LIMCH1: variants seen among roughly 807,000 people sequenced by gnomAD.
LIMCH1 encodes LIM and calponin homology domains-containing protein 1.
In LIMCH1, 113 loss-of-function variants were observed where a neutral mutation model predicts 176.5. That is an observed-to-expected ratio of 0.64 (90% CI 0.55 to 0.75). LIMCH1 has a LOEUF of 0.75. Ranked by LOEUF, LIMCH1 falls within the 30% of genes least tolerant of loss-of-function variation. The pLI, the probability that LIMCH1 is intolerant of heterozygous loss-of-function variation, is 0.00. For missense variants in LIMCH1, 1,674 were observed against 1,814.9 expected, an observed-to-expected ratio of 0.92 and a Z score of 1.41; for synonymous variants, 619 against 645.9, an observed-to-expected ratio of 0.96 and a Z score of 0.63.
intron 4 of LIMCH1, chr4:41,612,974 G>A (rs1490870323): frequency 1.3e-6 from 2 of 1,547,040 alleles, no homozygotes; most frequent in Non-Finnish European, 1.7e-6. Flanking sequence ...AACTGATTCT[G>A]CAGCAAAGAC....
At chr4:41,363,723 T>C (rs2052524834) in intron 1 of LIMCH1, among the ~76,000 whole-genome samples, 1 of 152,096 alleles carries the variant, frequency 6.6e-6, no homozygotes, top group African/African-American at 2.4e-5. Context: ...TTCCCCTCAC[T>C]CCTTCCTTAG....
chr4:41,581,390 T>C (rs2085405234), intron 1 of LIMCH1, among the ~76,000 whole-genome samples: 1 of 152,182 alleles, frequency 6.6e-6, no homozygotes, highest in African/African-American at 2.4e-5. Context: ...CTGCACGTTA[T>C]GTCCTCAGAA....
In LIMCH1 at chr4:41,627,017, ATGG is replaced by A. The variant is rs144241913; in HGVS notation, c.1028+10_1028+12del. ...GAAGTCTAGAATATAAAAGGTGTGC[ATGG>A]TGTGTGTGTGTGTGTGTGTGTGTGT... is the stretch of plus-strand genomic sequence containing the variant. On this transcript the variant is annotated splice_region_variant and intron_variant, in intron 8 of 31. Transcript: ENST00000503057. 2.0e-3 allele frequency: 2,680 copies of A among 1,314,362 alleles called. 30 individuals carry two copies. The African/African-American group carries it at 0.043, about 21-fold the overall frequency. 81.4% of individuals were successfully genotyped at this position (1,314,362 alleles called of 1,614,324 possible).
intron 13 of LIMCH1, among the ~76,000 whole-genome samples, chr4:41,636,666 C>G (rs2093607113): frequency 6.6e-6 from 1 of 152,142 alleles, no homozygotes; most frequent in Non-Finnish European, 1.5e-5. Context: ...AGAAAAATCT[C>G]TGCTTCTGTG....
chr4:41,651,173 A>AT (rs1285488314), intron 18 of LIMCH1, among the ~76,000 whole-genome samples: 1 of 151,884 alleles, frequency 6.6e-6, no homozygotes, highest in Non-Finnish European at 1.5e-5. Context: ...CACCCAGCTA[A>AT]TTTTGTATTT....
chr4:41,563,749 C>T (rs1266795218), intron 1 of LIMCH1, among the ~76,000 whole-genome samples: 12 of 152,204 alleles, frequency 7.9e-5, no homozygotes, highest in African/African-American at 2.9e-4. Flanking sequence ...CCCTACAAAT[C>T]ACCCGCCTTT....
chr4:41,473,545 C>A (rs1435095715), intron 1 of LIMCH1, among the ~76,000 whole-genome samples: 1 of 152,138 alleles, frequency 6.6e-6, no homozygotes, highest in Non-Finnish European at 1.5e-5. Flanking sequence ...CACCCTGATA[C>A]AAGAATCAAC....
chr4:41,620,485 G>A lies in LIMCH1; in HGVS notation c.520G>A (p.Ala174Thr). Residue 174 changes from alanine (A) to threonine (T), a missense_variant, in exon 7 of 32, where the codon GCT becomes ACT. This residue lies in a region of LIMCH1 where 655 missense variants were observed against 692.2 expected (regional missense o/e 0.95). Coordinates refer to ENST00000503057, the MANE Select transcript of LIMCH1 (RefSeq NM_001330672.2). ...GGGGTCTGCTGGTGAAGACAACCCA[G>A]CTGGCCAAATGAATCCTGGTTGGAA... ...EVGSAGEDNP[A>T]GQMNPGWKPS... 3 of 1,536,310 alleles carry A rather than the reference G, an allele frequency of 2.0e-6. No individual in the cohort carries two copies. The highest frequency in any genetic ancestry group is 2.0e-5 in the Admixed American group (1 of 51,012).
At chr4:41,683,313 C>G (rs1468385484) in intron 26 of LIMCH1, among the ~76,000 whole-genome samples, 1 of 152,130 alleles carries the variant, frequency 6.6e-6, no homozygotes, top group Admixed American at 6.5e-5. Context: ...CAGCTAGAGA[C>G]CCCCTGGAGC....
chr4:41,489,669 T>A (rs545954072), intron 1 of LIMCH1, among the ~76,000 whole-genome samples: 11 of 152,054 alleles, frequency 7.2e-5, no homozygotes, highest in Admixed American at 1.3e-4. Context: ...TTCTTTTTTT[T>A]ATTTTTTTAT....
intron 7 of LIMCH1, among the ~76,000 whole-genome samples, chr4:41,624,654 G>C (rs891888918): frequency 6.6e-5 from 10 of 151,986 alleles, no homozygotes; most frequent in African/African-American, 1.9e-4. Context: ...TTCCCAGGGG[G>C]ACTAACAGGC....
chr4:41,411,923 C>T (rs2059522118), intron 1 of LIMCH1, among the ~76,000 whole-genome samples: 1 of 115,972 alleles, frequency 8.6e-6, no homozygotes, highest in African/African-American at 3.3e-5. Context: ...CTGCACTGCA[C>T]TACAGCCTAG....
chr4:41,646,667 T>A lies in LIMCH1; in HGVS notation c.2594T>A (p.Leu865Gln), dbSNP rs759920941. ...ACAGAGCCAAATTTATCCTCCTTCC[T>A]GAATGACCCCAATCCCATGAAATAC... ...HSTEPNLSSF[L>Q]NDPNPMKYLR... The change falls in exon 17 of 32, where the codon CTG becomes CAG. Residue 865 changes from leucine (L) to glutamine (Q), a missense_variant. This residue lies in a region of LIMCH1 where 1,015 missense variants were observed against 1,102.5 expected (regional missense o/e 0.92). Coordinates refer to ENST00000503057, the MANE Select transcript of LIMCH1 (RefSeq NM_001330672.2). 2 of 1,614,236 alleles carry A rather than the reference T, an allele frequency of 1.2e-6. No individual in the cohort carries two copies. Among genetic ancestry groups the A allele is most frequent in the Non-Finnish European group, 1.7e-6 (2 of 1,180,054 alleles).
At chr4:41,363,173 G>T (rs1278503881) in intron 1 of LIMCH1, among the ~76,000 whole-genome samples, 1 of 152,122 alleles carries the variant, frequency 6.6e-6, no homozygotes, top group Non-Finnish European at 1.5e-5. Flanking sequence ...TGCAAACCAC[G>T]GGAACCCAGA....
chr4:41,388,382 G>A (rs1274278856), intron 1 of LIMCH1, among the ~76,000 whole-genome samples: 2 of 152,190 alleles, frequency 1.3e-5, no homozygotes, highest in Non-Finnish European at 2.9e-5. Flanking sequence ...AACCAGATGC[G>A]AAAGACTGTA....
At chr4:41,515,834 G>T (rs148280661) in intron 2 of LIMCH1, among the ~76,000 whole-genome samples, 1 of 152,152 alleles carries the variant, frequency 6.6e-6, no homozygotes, top group Non-Finnish European at 1.5e-5. Flanking sequence ...TTGGGAGCTG[G>T]CTGTGTATTC....
chr4:41,672,759 T>C (rs961999735), intron 22 of LIMCH1, among the ~76,000 whole-genome samples: 8 of 152,218 alleles, frequency 5.3e-5, no homozygotes, highest in African/African-American at 1.7e-4. Context: ...GGAGACTTTC[T>C]CTGTGGCACA....
At chr4:41,601,827 A>T (rs2152756325) in intron 2 of LIMCH1, among the ~76,000 whole-genome samples, 1 of 152,254 alleles carries the variant, frequency 6.6e-6, no homozygotes, top group South Asian at 2.1e-4. Context: ...AATGCTTGTA[A>T]CATATGCAGA....
chr4:41,619,573 G>A, intron 6 of LIMCH1, 133 bp downstream of exon 6: 1 of 1,201,588 alleles, frequency 8.3e-7, no homozygotes, highest in South Asian at 1.5e-5. Flanking sequence ...AGGTGGGTGG[G>A]ACAGATCTTT....
Sources: gnomAD v4.1 joint callset for allele counts (sites outside exome capture counted in the v4.1 genomes callset) on GRCh38, gnomAD v4.1.1 for gene constraint, gnomAD v4.1.1 regional missense constraint, MANE v1.5 for transcripts, NCBI Gene and HGNC (gene_info 2026-07-23, HGNC 2026-07-21) for gene names.